RUSC2: variants seen among roughly 807,000 people sequenced by gnomAD.
The protein encoded by RUSC2 is AP-4 complex accessory subunit RUSC2.
RUSC2 carries 34 observed loss-of-function variants against 122.2 expected under a neutral mutation model. The ratio of observed to expected loss-of-function variants is 0.28; its 90% confidence interval spans 0.21 to 0.37. RUSC2 has a LOEUF of 0.37. Ranked by LOEUF, RUSC2 falls within the 10% of genes least tolerant of loss-of-function variation. RUSC2 has a pLI of 1.00. For synonymous variants in RUSC2, 784 were observed against 790.0 expected (o/e 0.99, Z 0.13); for missense variants, 1,747 against 1,952.4 (o/e 0.89, Z 1.98).
intron 1 of RUSC2, among the ~76,000 whole-genome samples, chr9:35,520,402 C>T (rs1246850909): frequency 6.6e-6 from 1 of 152,214 alleles, no homozygotes; most frequent in African/African-American, 2.4e-5. Flanking sequence ...AGGCTTCCCC[C>T]ACCCCTCTCT....
chr9:35,533,489 A>G (rs1821463699), intron 1 of RUSC2, among the ~76,000 whole-genome samples: 1 of 152,178 alleles, frequency 6.6e-6, no homozygotes, highest in Non-Finnish European at 1.5e-5. Flanking sequence ...TTGACATACC[A>G]TACATTTTGC....
intron 2 of RUSC2, among the ~76,000 whole-genome samples, chr9:35,552,159 G>A (rs539635011): frequency 6.6e-6 from 1 of 152,118 alleles, no homozygotes; most frequent in East Asian, 1.9e-4. Context: ...CCAGGAGTTC[G>A]AGACCAGCCT....
rs1180006292 is a variant in RUSC2, at chr9:35,560,590, C to T, written c.3950C>T (p.Pro1317Leu). 1 of 1,613,564 alleles carries T rather than the reference C, an allele frequency of 6.2e-7. No individual in the cohort carries two copies. Among genetic ancestry groups the T allele is most frequent in the African/African-American group, 1.3e-5 (1 of 74,938 alleles). Reference protein sequence around the residue: ...GGGGPPQAPPPREGVVEGAEA... With the variant: ...GGGGPPQAPPLREGVVEGAEA... ...GGGGGACCTCCCCAGGCTCCACCAC[C>T]CCGAGAGGGAGTAGTGGAGGGGGCT... The change falls in exon 10 of 12, where the codon CCC (proline) becomes CTC (leucine). Residue 1317 changes from proline to leucine, a missense_variant. Coordinates refer to ENST00000361226, the MANE Select transcript of RUSC2 (RefSeq NM_014806.5).
intron 1 of RUSC2, among the ~76,000 whole-genome samples, chr9:35,524,704 G>A (rs1821287319): frequency 6.6e-6 from 1 of 152,122 alleles, no homozygotes; most frequent in African/African-American, 2.4e-5. Flanking sequence ...GGGTGCAGTG[G>A]CTCACGCCTG....
At chr9:35,518,421 A>G (rs1821150092) in intron 1 of RUSC2, among the ~76,000 whole-genome samples, 1 of 152,128 alleles carries the variant, frequency 6.6e-6, no homozygotes, top group South Asian at 2.1e-4. Flanking sequence ...AAGCTAGTCT[A>G]CATCTATTTA....
At chr9:35,539,829 C>A (rs1385134223) in intron 1 of RUSC2, among the ~76,000 whole-genome samples, 1 of 152,186 alleles carries the variant, frequency 6.6e-6, no homozygotes, top group African/African-American at 2.4e-5. Flanking sequence ...TCCCTTTGAT[C>A]CTACCCAGGA....
chr9:35,510,187 C>T (rs752379339), intron 1 of RUSC2, among the ~76,000 whole-genome samples: 2 of 152,044 alleles, frequency 1.3e-5, no homozygotes, highest in Non-Finnish European at 2.9e-5. Context: ...TGATAGATTC[C>T]GGTGACTTTT....
At chr9:35,508,334 C>T (rs1354031688) in intron 1 of RUSC2, among the ~76,000 whole-genome samples, 1 of 152,208 alleles carries the variant, frequency 6.6e-6, no homozygotes. Context: ...TCCTTTGAAG[C>T]GTAACAGTTT....
At chr9:35,552,028 A>T (rs1821910719) in intron 2 of RUSC2, among the ~76,000 whole-genome samples, 2 of 151,744 alleles carry the variant, frequency 1.3e-5, no homozygotes, top group African/African-American at 2.4e-5. Context: ...GCACCACTGC[A>T]TCCCAGCCTG....
chr9:35,517,274 G>A (rs981882768), intron 1 of RUSC2, among the ~76,000 whole-genome samples: 9 of 152,300 alleles, frequency 5.9e-5, no homozygotes, highest in East Asian at 1.9e-4. Context: ...AGTTCTCTTC[G>A]GGAGTTCCAG....
chr9:35,496,121 G>A (rs1820707821), intron 1 of RUSC2, among the ~76,000 whole-genome samples: 1 of 152,122 alleles, frequency 6.6e-6, no homozygotes, highest in Admixed American at 6.6e-5. Flanking sequence ...AGTGGAGGAG[G>A]AGGGCTTAGA....
In RUSC2 at chr9:35,555,044, C is replaced by A; in HGVS notation, c.2015-16C>A. Reference sequence around the variant, plus strand: ...AGTGTCTGTCTACTGATTTCTTCTCCATCCCTTTGCTACAGGGGGTGGCAC... The same window carrying A: ...AGTGTCTGTCTACTGATTTCTTCTCAATCCCTTTGCTACAGGGGGTGGCAC... On this transcript the variant is annotated splice_polypyrimidine_tract_variant and intron_variant, in intron 2 of 11. Coordinates refer to ENST00000361226, the MANE Select transcript of RUSC2 (RefSeq NM_014806.5). This position sits in a 1 kb window ranked among gnomAD's most constrained non-coding sequence, Gnocchi z 4.6. 6.2e-7 allele frequency: 1 copy of A among 1,608,892 alleles called. No individual in the cohort carries two copies. The highest frequency in any genetic ancestry group is 1.1e-5 in the South Asian group (1 of 91,072).
chr9:35,530,666 G>T lies in RUSC2; in HGVS notation c.-92-15764G>T, dbSNP rs148073556. Among the ~76,000 whole-genome samples, 5 of 152,068 alleles carry T rather than the reference G, an allele frequency of 3.3e-5. No individual in the cohort carries two copies. The South Asian group carries it at 1.0e-3, about 32-fold the overall frequency. ...TTGTTTCTGTTTTTTATGAGACTGG[G>T]TCTCACTCTGTCGCCCAGGCTGGAG... On this transcript the variant is annotated intron_variant, in intron 1 of 11. Transcript: ENST00000361226.
chr9:35,507,801 G>T, intron 1 of RUSC2: 1 of 215,212 alleles, frequency 4.6e-6, no homozygotes, highest in South Asian at 7.9e-5. Flanking sequence ...TTTCAGATCT[G>T]AGAAAATGTG....
At chr9:35,502,010 A>G (rs1820825422) in intron 1 of RUSC2, among the ~76,000 whole-genome samples, 1 of 152,010 alleles carries the variant, frequency 6.6e-6, no homozygotes. Flanking sequence ...AGGGCTCTGC[A>G]CCTCTTTCCC....
At chr9:35,506,159 G>A (rs1169847407) in intron 1 of RUSC2, among the ~76,000 whole-genome samples, 2 of 152,152 alleles carry the variant, frequency 1.3e-5, no homozygotes, top group Admixed American at 6.5e-5. Context: ...AATCAATGGG[G>A]ACGGGCTTGC....
intron 1 of RUSC2, among the ~76,000 whole-genome samples, chr9:35,505,053 T>G (rs2132498948): frequency 6.6e-6 from 1 of 152,042 alleles, no homozygotes; most frequent in African/African-American, 2.4e-5. Context: ...AAGTTAGATC[T>G]TATGTGTTTT....
At chr9:35,493,922 G>A (rs1564239162) in intron 1 of RUSC2, among the ~76,000 whole-genome samples, 1 of 152,156 alleles carries the variant, frequency 6.6e-6, no homozygotes, top group Non-Finnish European at 1.5e-5. Flanking sequence ...TATGAAAAAT[G>A]CTGATGTGAA....
At chr9:35,494,817 T>C (rs958411284) in intron 1 of RUSC2, among the ~76,000 whole-genome samples, 1 of 149,036 alleles carries the variant, frequency 6.7e-6, no homozygotes, top group Non-Finnish European at 1.5e-5. Flanking sequence ...AATTTTTCTT[T>C]TGTTACCTGT....
Sources: gnomAD v4.1 joint callset for allele counts (sites outside exome capture counted in the v4.1 genomes callset) on GRCh38, gnomAD v4.1.1 for gene constraint, Gnocchi (gnomAD v3.1) non-coding constraint, MANE v1.5 for transcripts, NCBI Gene and HGNC (gene_info 2026-07-23, HGNC 2026-07-21) for gene names.